Variants in PTPRR observed in about 807,000 individuals in gnomAD.
PTPRR encodes the protein protein tyrosine phosphatase receptor type R.
In PTPRR, 38 loss-of-function variants were observed where a neutral mutation model predicts 77.2. The ratio of observed to expected loss-of-function variants is 0.49; its 90% CI spans 0.38 to 0.65. The LOEUF is 0.65. PTPRR is among the 30% of genes least tolerant of loss of function. PTPRR has a pLI of 0.00. For missense variants in PTPRR, 744 were observed against 799.2 expected (o/e 0.93, Z 0.83); for synonymous variants, 299 against 283.1 (o/e 1.06, Z -0.57).
chr12:70,848,758 T>C (rs989083201), intron 2 of PTPRR, among the ~76,000 whole-genome samples: 3 of 152,236 alleles, frequency 2.0e-5, no homozygotes, highest in African/African-American at 7.2e-5. Flanking sequence ...ACAATTTAGA[T>C]GACTTATAGT....
intron 8 of PTPRR, among the ~76,000 whole-genome samples, chr12:70,685,979 G>A (rs750432047): frequency 2.6e-5 from 4 of 152,174 alleles, no homozygotes; most frequent in Non-Finnish European, 2.9e-5. Flanking sequence ...TAGCCACTAC[G>A]CTGTGCTGCA....
chr12:70,700,997 G>T, intron 7 of PTPRR, 140 bp downstream of exon 7: 1 of 816,044 alleles, frequency 1.2e-6, no homozygotes, highest in Non-Finnish European at 1.9e-6. Context: ...GGATGAGACT[G>T]AGTGAATCTA....
intron 2 of PTPRR, among the ~76,000 whole-genome samples, chr12:70,813,131 G>A (rs1277262236): frequency 6.6e-6 from 1 of 152,172 alleles, no homozygotes; most frequent in Non-Finnish European, 1.5e-5. Context: ...CATGCAGCAG[G>A]AACTAAGCTT....
chr12:70,673,046 A>AAG (rs1444054795), intron 10 of PTPRR: 18 of 843,890 alleles, frequency 2.1e-5, no homozygotes, highest in South Asian at 2.6e-5. Flanking sequence ...AAAAAAAAAA[A>AAG]AAAGAAAGAA....
intron 2 of PTPRR, among the ~76,000 whole-genome samples, chr12:70,816,840 A>AT (rs1891911766): frequency 6.6e-6 from 1 of 152,144 alleles, no homozygotes; most frequent in Admixed American, 6.5e-5. Context: ...ACAATGTTTG[A>AT]TTTTAACAAA....
At chr12:70,850,432 T>G (rs551455236) in intron 2 of PTPRR, among the ~76,000 whole-genome samples, 1 of 152,242 alleles carries the variant, frequency 6.6e-6, no homozygotes, top group Non-Finnish European at 1.5e-5. Context: ...TAAAGCAAGG[T>G]TGCTTGAAAT....
At position 70,796,170 on chromosome 12, in the gene PTPRR, TGCC is replaced by T. The variant is rs1592762353; in HGVS notation, c.358-31395_358-31393del. 2.0e-5 allele frequency among the ~76,000 whole-genome samples: 3 copies of T among 151,988 alleles called. No homozygotes were observed. In the East Asian group the frequency reaches 5.8e-4, roughly 30 times the overall value. On this transcript the variant is annotated intron_variant, in intron 2 of 13. Transcript: ENST00000283228. ...AACTCCTGACCTCAGGTGATCCACC[TGCC>T]TTGGCCTCCCAAAGTGCTGGGATTA...
chr12:70,745,917 AC>A lies in PTPRR; in HGVS notation c.907del (p.Val303TrpfsTer26). ...EQAPKVLNVV[V>X]DPQGRGAPEI... Reference sequence around the variant, plus strand: ...AGGAGCACCTCGGCCTTGAGGGTCCACGACAACATTCAGTACCTTTGGGGCC... The same window carrying A: ...AGGAGCACCTCGGCCTTGAGGGTCCAGACAACATTCAGTACCTTTGGGGCC... On this transcript the variant is annotated frameshift_variant, in exon 6 of 14. Coordinates refer to ENST00000283228, the MANE Select transcript of PTPRR (RefSeq NM_002849.4). LOFTEE classifies it high-confidence loss of function. The A allele has an allele frequency of 6.2e-7, 1 of 1,614,134 alleles. No homozygotes were observed. Among genetic ancestry groups the A allele is most frequent in the South Asian group, 1.1e-5 (1 of 91,088 alleles).
In PTPRR at chr12:70,698,280, T is replaced by TAA; in HGVS notation, c.1263_1264insTT (p.Lys422LeufsTer14). ...AGAAGCTTACTTGGTAAAATGGTCT[T>TAA]ATAGCGATTTTTAGTTCCATGACGC... On this transcript the variant is annotated frameshift_variant, in exon 8 of 14. Transcript: ENST00000283228. LOFTEE classifies it high-confidence loss of function. The TAA allele has an allele frequency of 6.2e-7, 1 of 1,613,098 alleles. No homozygotes were observed. The highest frequency in any genetic ancestry group is 8.5e-7 in the Non-Finnish European group (1 of 1,179,396).
chr12:70,794,817 T>C (rs896419592), intron 2 of PTPRR, among the ~76,000 whole-genome samples: 4 of 152,162 alleles, frequency 2.6e-5, no homozygotes, highest in Non-Finnish European at 5.9e-5. Context: ...ATACTACCAC[T>C]GCCAACAACT....
chr12:70,826,181 T>C (rs1007685410), intron 2 of PTPRR, among the ~76,000 whole-genome samples: 1 of 152,178 alleles, frequency 6.6e-6, no homozygotes, highest in Non-Finnish European at 1.5e-5. Context: ...ATCAGTGTTA[T>C]CAAAATCCTA....
chr12:70,900,971 A>T (rs753608436), intron 1 of PTPRR, among the ~76,000 whole-genome samples: 2 of 151,452 alleles, frequency 1.3e-5, no homozygotes, highest in African/African-American at 2.4e-5. Context: ...TTGGGACCAG[A>T]TATGTTTTGA....
intron 6 of PTPRR, among the ~76,000 whole-genome samples, chr12:70,709,649 A>G (rs1888751111): frequency 6.6e-6 from 1 of 152,170 alleles, no homozygotes; most frequent in South Asian, 2.1e-4. Flanking sequence ...AGGATACAAA[A>G]TCAATGTGCA....
intron 2 of PTPRR, among the ~76,000 whole-genome samples, chr12:70,804,139 CTGTGTGTGTGTGTGTGTGTG>C (rs58442488): frequency 2.2e-5 from 3 of 137,252 alleles, no homozygotes; most frequent in Non-Finnish European, 4.7e-5. Flanking sequence ...GTTCCTGGCT[CTGTGTGTGTGTGTGTGTGTG>C]TGTGTGTGTG....
rs1209198134 is a variant in PTPRR, at chr12:70,816,775, CA to C, written c.358-51998del. ...TAAAATCTCAATAACAAGAGAAAAA[CA>C]GTATTTATTTAAAATATTTTAAAAT... On this transcript the variant is annotated intron_variant, in intron 2 of 13. Coordinates refer to ENST00000283228, the MANE Select transcript of PTPRR (RefSeq NM_002849.4). Among the ~76,000 whole-genome samples the C allele has an allele frequency of 4.0e-5, 6 of 151,850 alleles. No individual in the cohort carries two copies. In the South Asian group the frequency reaches 1.2e-3, roughly 32 times the overall value.
chr12:70,751,642 G>T (rs1351380330), intron 5 of PTPRR, among the ~76,000 whole-genome samples: 1 of 151,892 alleles, frequency 6.6e-6, no homozygotes, highest in Non-Finnish European at 1.5e-5. Flanking sequence ...TCATTATTAT[G>T]GTTTCTTCTT....
intron 13 of PTPRR, among the ~76,000 whole-genome samples, chr12:70,645,998 G>A (rs1231213426): frequency 2.0e-5 from 3 of 152,176 alleles, no homozygotes; most frequent in Admixed American, 1.3e-4. Flanking sequence ...CGCCCAGCCC[G>A]TATCCGGTCT....
At chr12:70,680,837 T>C (rs981884531) in intron 10 of PTPRR, among the ~76,000 whole-genome samples, 25 of 152,264 alleles carry the variant, frequency 1.6e-4, no homozygotes, top group South Asian at 6.2e-4. Context: ...GGGGCATCCT[T>C]AGAAGTAGTG....
At chr12:70,640,546 A>G (rs970870962) in intron 13 of PTPRR, among the ~76,000 whole-genome samples, 5 of 152,238 alleles carry the variant, frequency 3.3e-5, no homozygotes, top group Middle Eastern at 3.2e-3. Flanking sequence ...GTATAAAAGC[A>G]TCACTATCGG....
Sources: allele counts gnomAD v4.1 joint callset (sites outside exome capture counted in the v4.1 genomes callset), GRCh38; gene constraint gnomAD v4.1.1; transcripts MANE v1.5; gene names NCBI Gene and HGNC (gene_info 2026-07-23, HGNC 2026-07-21).